Variants in ARL15 observed in about 807,000 individuals in gnomAD.
The protein encoded by ARL15 is ADP-ribosylation factor-like protein 15.
ARL15 carries 19 observed loss-of-function variants against 25.2 expected under a neutral mutation model. The observed-to-expected ratio is 0.75, with a 90% CI of 0.53 to 1.10. The LOEUF is 1.10. ARL15 is among the 50% of genes least tolerant of loss of function. ARL15 has a pLI of 0.00. For missense variants in ARL15, 220 were observed against 246.0 expected (o/e 0.89, Z 0.71); for synonymous variants, 94 against 86.8 (o/e 1.08, Z -0.46).
chr5:53,917,689 T>C (rs1166306412), intron 4 of ARL15, among the ~76,000 whole-genome samples: 1 of 152,190 alleles, frequency 6.6e-6, no homozygotes, highest in African/African-American at 2.4e-5. Flanking sequence ...GTCTCTGGCT[T>C]GAGAAGAGCA....
intron 1 of ARL15, among the ~76,000 whole-genome samples, chr5:54,260,495 C>T (rs867069452): frequency 1.3e-5 from 2 of 152,112 alleles, no homozygotes; most frequent in Admixed American, 1.3e-4. Flanking sequence ...TTGAACAAGT[C>T]CTAGAAGCTC....
intron 4 of ARL15, among the ~76,000 whole-genome samples, chr5:53,985,336 T>G (rs1748258547): frequency 6.6e-6 from 1 of 152,206 alleles, no homozygotes; most frequent in Non-Finnish European, 1.5e-5. Flanking sequence ...ATCTTAACCA[T>G]TTTTAAGTGT....
At chr5:54,238,459 C>A (rs535607050) in intron 1 of ARL15, among the ~76,000 whole-genome samples, 1 of 152,272 alleles carries the variant, frequency 6.6e-6, no homozygotes, top group South Asian at 2.1e-4. Context: ...CTTCTAAAAC[C>A]AGCTCCAAGT....
chr5:54,087,472 T>C (rs1308502818), intron 4 of ARL15, among the ~76,000 whole-genome samples: 2 of 152,134 alleles, frequency 1.3e-5, no homozygotes, highest in Non-Finnish European at 2.9e-5. Flanking sequence ...ATAACAAAAA[T>C]CAAAAGCATG....
chr5:54,230,499 G>A (rs1264876454), intron 1 of ARL15, among the ~76,000 whole-genome samples: 1 of 151,834 alleles, frequency 6.6e-6, no homozygotes, highest in Non-Finnish European at 1.5e-5. Context: ...GCCTCAATAC[G>A]GTCTCCTCAA....
intron 4 of ARL15, among the ~76,000 whole-genome samples, chr5:54,062,583 A>G (rs762384449): frequency 1.8e-4 from 28 of 151,500 alleles, no homozygotes; most frequent in South Asian, 4.2e-4. Context: ...TGCCATCCAC[A>G]TAAGATGTGA....
chr5:54,041,981 T>G (rs1381790901), intron 4 of ARL15, among the ~76,000 whole-genome samples: 1 of 151,964 alleles, frequency 6.6e-6, no homozygotes, highest in East Asian at 1.9e-4. Flanking sequence ...TTTGTTTTTT[T>G]TTTTTTTGAG....
At chr5:54,262,208 C>T (rs1757512282) in intron 1 of ARL15, among the ~76,000 whole-genome samples, 1 of 152,126 alleles carries the variant, frequency 6.6e-6, no homozygotes. Context: ...ACATTTTCAT[C>T]CCCAAGATCC....
chr5:54,276,460 CT>C (rs1385717789), intron 1 of ARL15, among the ~76,000 whole-genome samples: 1 of 152,216 alleles, frequency 6.6e-6, no homozygotes, highest in Non-Finnish European at 1.5e-5. Flanking sequence ...TGACAACATT[CT>C]ACACCCAGCA....
chr5:54,141,807 TCTC>T (rs1753790286), intron 3 of ARL15, among the ~76,000 whole-genome samples: 2 of 152,248 alleles, frequency 1.3e-5, no homozygotes, highest in South Asian at 4.1e-4. Flanking sequence ...TACAAATTTA[TCTC>T]AGTAGGAGAA....
At chr5:54,039,584 G>A (rs1750269487) in intron 4 of ARL15, among the ~76,000 whole-genome samples, 1 of 152,002 alleles carries the variant, frequency 6.6e-6, no homozygotes, top group Non-Finnish European at 1.5e-5. Flanking sequence ...TGGTTCACTT[G>A]AGGTTAGGAG....
At chr5:54,181,802 C>T (rs565810951) in intron 1 of ARL15, among the ~76,000 whole-genome samples, 1 of 152,030 alleles carries the variant, frequency 6.6e-6, no homozygotes, top group Non-Finnish European at 1.5e-5. Context: ...ACATCCTCTC[C>T]AGCACCTGTT....
At chr5:54,103,237 C>T (rs1049959634) in intron 4 of ARL15, among the ~76,000 whole-genome samples, 2 of 151,822 alleles carry the variant, frequency 1.3e-5, no homozygotes, top group African/African-American at 4.8e-5. Flanking sequence ...AAGTAATTAC[C>T]ACTTCACTAT....
intron 4 of ARL15, among the ~76,000 whole-genome samples, chr5:53,956,476 TTTTCACAAAAGAAATTAATAGAAA>T (rs1056131925): frequency 2.0e-5 from 3 of 150,084 alleles, no homozygotes; most frequent in Non-Finnish European, 3.0e-5. Context: ...CCTTATATAT[TTTTCACAAAAGAAATTAATAGAAA>T]TTTCACAAAA....
chr5:54,304,017 C>T (rs1345651020), intron 1 of ARL15, among the ~76,000 whole-genome samples: 1 of 152,196 alleles, frequency 6.6e-6, no homozygotes, highest in Non-Finnish European at 1.5e-5. Context: ...CTGCCAGAGT[C>T]CTTGGGGACA....
At chr5:54,100,987 T>C (rs1042478157) in intron 4 of ARL15, among the ~76,000 whole-genome samples, 1 of 152,058 alleles carries the variant, frequency 6.6e-6, no homozygotes, top group Non-Finnish European at 1.5e-5. Context: ...TTAAAAATTA[T>C]GTAATATCAC....
chr5:53,966,758 G>A (rs959875422), intron 4 of ARL15, among the ~76,000 whole-genome samples: 1 of 152,176 alleles, frequency 6.6e-6, no homozygotes, highest in Non-Finnish European at 1.5e-5. Flanking sequence ...TGGTTTGAGA[G>A]TTTTTCCCAA....
At chr5:54,000,042 A>G (rs973664552) in intron 4 of ARL15, among the ~76,000 whole-genome samples, 18 of 152,362 alleles carry the variant, frequency 1.2e-4, no homozygotes, top group African/African-American at 4.3e-4. Context: ...AGTTTCACTC[A>G]TATCTATATT....
At chr5:54,088,659 T>C (rs1387036933) in intron 4 of ARL15, among the ~76,000 whole-genome samples, 1 of 152,098 alleles carries the variant, frequency 6.6e-6, no homozygotes. Context: ...AAGCATAAAC[T>C]CCTAGCAGAC....
Sources: allele counts gnomAD v4.1 joint callset (sites outside exome capture counted in the v4.1 genomes callset), GRCh38; gene constraint gnomAD v4.1.1; transcripts MANE v1.5; gene names NCBI Gene and HGNC (gene_info 2026-07-23, HGNC 2026-07-21).